Variants in TRIO observed in about 807,000 individuals in gnomAD.
The protein encoded by TRIO is triple functional domain protein.
Under a neutral mutation model 351.9 loss-of-function variants are expected in TRIO, and 58 were observed. The ratio of observed to expected loss-of-function variants is 0.16; its 90% CI spans 0.13 to 0.21. TRIO has a LOEUF of 0.21. Among genes scored for constraint, TRIO ranks in the 10% least tolerant of loss-of-function variants. The probability of loss-of-function intolerance (pLI) is 1.00; values close to 1 mark genes in which losing one functional copy is unlikely to be tolerated. For synonymous variants in TRIO, 1,758 were observed against 1,595.7 expected, an observed-to-expected ratio of 1.10 and a Z score of -2.42; for missense variants, 3,201 against 4,027.8, an observed-to-expected ratio of 0.79 and a Z score of 5.56.
intron 20 of TRIO, among the ~76,000 whole-genome samples, chr5:14,380,617 GT>G (rs35491830): frequency 1.3e-5 from 2 of 151,664 alleles, no homozygotes; most frequent in South Asian, 4.2e-4. Flanking sequence ...ACTATTTTTT[GT>G]TTTTTTTGTG....
At chr5:14,273,070 C>G (rs1735178872) in intron 2 of TRIO, among the ~76,000 whole-genome samples, 1 of 152,106 alleles carries the variant, frequency 6.6e-6, no homozygotes, top group African/African-American at 2.4e-5. Context: ...TCATCACCTC[C>G]CAGGAACCCC....
At chr5:14,363,429 C>T (rs1744326498) in intron 13 of TRIO, among the ~76,000 whole-genome samples, 1 of 152,136 alleles carries the variant, frequency 6.6e-6, no homozygotes, top group Non-Finnish European at 1.5e-5. Flanking sequence ...GTATATTTTA[C>T]ACAGTTTTGG....
In TRIO at chr5:14,488,105, C is replaced by T. The variant is rs759022594; in HGVS notation, c.7477C>T (p.Pro2493Ser). ...GSFWSSIPAS[P>S]ASRPGSFTFP... Reference sequence around the variant, plus strand: ...CTTCTGGAGCTCCATCCCCGCCTCCCCCGCCAGCCGACCCGGCTCCTTCAC... The same window carrying T: ...CTTCTGGAGCTCCATCCCCGCCTCCTCCGCCAGCCGACCCGGCTCCTTCAC... Residue 2493 changes from proline (P) to serine (S), a missense_variant, in exon 48 of 57, where the codon CCC becomes TCC. Pro to Ser is a moderately conservative substitution (Grantham distance 74). This residue lies in a region of TRIO where 1,089 missense variants were observed against 954.9 expected (regional missense o/e 1.14). Transcript: ENST00000344204. 1.2e-6 allele frequency: 2 copies of T among 1,609,916 alleles called. No homozygotes were observed. The highest frequency in any genetic ancestry group is 1.7e-6 in the Non-Finnish European group (2 of 1,179,190).
chr5:14,486,067 G>A (rs1462743975), intron 47 of TRIO, among the ~76,000 whole-genome samples: 1 of 151,904 alleles, frequency 6.6e-6, no homozygotes, highest in Non-Finnish European at 1.5e-5. Flanking sequence ...AGAACACAGC[G>A]GGCGTGGCCA....
intron 1 of TRIO, among the ~76,000 whole-genome samples, chr5:14,187,525 A>C (rs1419186295): frequency 1.3e-5 from 2 of 152,174 alleles, no homozygotes; most frequent in Non-Finnish European, 2.9e-5. Flanking sequence ...TCTGTTTTTG[A>C]AAACCATTGT....
intron 9 of TRIO, among the ~76,000 whole-genome samples, chr5:14,319,123 A>G (rs1375819073): frequency 6.6e-6 from 1 of 152,252 alleles, no homozygotes; most frequent in Admixed American, 6.5e-5. Flanking sequence ...TCTTTAAGCT[A>G]GCTTTTTTTC....
intron 36 of TRIO, among the ~76,000 whole-genome samples, chr5:14,463,999 G>C (rs928256674): frequency 6.6e-6 from 1 of 152,140 alleles, no homozygotes; most frequent in African/African-American, 2.4e-5. Flanking sequence ...TGCAATGATG[G>C]CTGTGAGCTG....
At chr5:14,167,830 C>T (rs1441399482) in intron 1 of TRIO, among the ~76,000 whole-genome samples, 2 of 152,192 alleles carry the variant, frequency 1.3e-5, no homozygotes, top group African/African-American at 4.8e-5. Flanking sequence ...CCTGACCCAC[C>T]ACCAGTGGAA....
Position 14,351,048 on chromosome 5 carries a change from G to T in TRIO, c.2047-7130G>T, listed in dbSNP as rs147697522. ...CTGATCTGACAGGAGGCTGAACTCA[G>T]GTGTTAATGACCACTTGCCTGCTGC... is the stretch of plus-strand genomic sequence containing the variant. On this transcript the variant is annotated intron_variant, in intron 11 of 56. Transcript: ENST00000344204. 4.4e-4 allele frequency among the ~76,000 whole-genome samples: 67 copies of T among 152,298 alleles called. 1 individual carries two copies. The East Asian group carries it at 0.012, about 28-fold the overall frequency.
chr5:14,393,981 A>G (rs987874378), intron 27 of TRIO, 57 bp from the exon 28 acceptor site: 1 of 1,179,100 alleles, frequency 8.5e-7, no homozygotes, highest in Non-Finnish European at 1.2e-6. Flanking sequence ...TTTTATGGCC[A>G]TGATTTAATA....
At chr5:14,457,723 T>G (rs574051537) in intron 34 of TRIO, among the ~76,000 whole-genome samples, 70 of 152,240 alleles carry the variant, frequency 4.6e-4, no homozygotes, top group African/African-American at 1.7e-3. Flanking sequence ...TGCTGAACAG[T>G]AGGGAGGTCT....
In TRIO at chr5:14,508,352, A is replaced by G. The variant is rs1306415027; in HGVS notation, c.9224A>G (p.His3075Arg). Residue 3075 changes from histidine (H) to arginine (R), a missense_variant, in exon 57 of 57, where the codon CAC (histidine) becomes CGC (arginine). His to Arg is a conservative substitution (Grantham distance 29). Transcript: ENST00000344204. ...ACTTCCTTCATTGAGCGGCGCAAAC[A>G]CCAGAATGATGTTCGACCTATCCGT... ...RLTSFIERRK[H>R]QNDVRPIRSI... 2 of 1,613,990 alleles carry G rather than the reference A, an allele frequency of 1.2e-6. No homozygotes were observed. The highest frequency in any genetic ancestry group is 1.7e-5 in the Admixed American group (1 of 60,034).
intron 1 of TRIO, among the ~76,000 whole-genome samples, chr5:14,171,063 A>G (rs918425465): frequency 3.3e-5 from 5 of 152,294 alleles, no homozygotes; most frequent in South Asian, 2.1e-4. Flanking sequence ...ATAAAATATC[A>G]TGAAGATATT....
At position 14,461,329 on chromosome 5, in the gene TRIO, G is replaced by T; in HGVS notation, c.5496+18G>T. 6.6e-7 allele frequency: 1 copy of T among 1,526,448 alleles called. No homozygotes were observed. The highest frequency in any genetic ancestry group is 8.8e-7 in the Non-Finnish European group (1 of 1,138,760). 94.6% of individuals were successfully genotyped at this position (1,526,448 alleles called of 1,614,324 possible). A position where few individuals can be genotyped will look rare whatever the true frequency, so the allele number is the denominator to read the frequency against. On this transcript the variant is annotated intron_variant, in intron 35 of 56. Transcript: ENST00000344204. ...TCGAGGAGGTGAGGCTCTGCCCGCT[G>T]GTTGGGGCCGGCGTGGCGGGGCCCG...
At chr5:14,376,199 GA>G (rs936227768) in intron 19 of TRIO, among the ~76,000 whole-genome samples, 1 of 152,152 alleles carries the variant, frequency 6.6e-6, no homozygotes, top group African/African-American at 2.4e-5. Flanking sequence ...AGTATTTGTG[GA>G]AAACTTCCTA....
intron 1 of TRIO, among the ~76,000 whole-genome samples, chr5:14,152,074 G>C (rs779915000): frequency 6.6e-6 from 1 of 152,026 alleles, no homozygotes; most frequent in Non-Finnish European, 1.5e-5. Flanking sequence ...CACCTAACTA[G>C]CTTCACACAA....
intron 48 of TRIO, among the ~76,000 whole-genome samples, chr5:14,489,794 G>A (rs1317520642): frequency 4.6e-5 from 7 of 152,192 alleles, no homozygotes; most frequent in African/African-American, 1.4e-4. Flanking sequence ...ATCTGCAAGT[G>A]GCACGTGTTC....
At position 14,497,999 on chromosome 5, in the gene TRIO, T is replaced by C; in HGVS notation, c.8048-90T>C. 1 of 1,610,166 alleles carries C rather than the reference T, an allele frequency of 6.2e-7. No homozygotes were observed. The highest frequency in any genetic ancestry group is 8.5e-7 in the Non-Finnish European group (1 of 1,176,770). ...TGGCGCTCTAGGCGTGCATAGCAGG[T>C]TAGGTCCTATCAATCTGTCGGGGAC... On this transcript the variant is annotated intron_variant, in intron 51 of 56. Coordinates refer to ENST00000344204, the MANE Select transcript of TRIO (RefSeq NM_007118.4). The surrounding 1 kb of genome is among the most constrained non-coding windows in gnomAD (Gnocchi z 4.4).
At chr5:14,344,260 G>T (rs1742205286) in intron 11 of TRIO, among the ~76,000 whole-genome samples, 1 of 152,136 alleles carries the variant, frequency 6.6e-6, no homozygotes, top group South Asian at 2.1e-4. Context: ...ACCTGCTGGC[G>T]TAGCATTATG....
Sources: gnomAD v4.1 joint callset for allele counts (sites outside exome capture counted in the v4.1 genomes callset) on GRCh38, gnomAD v4.1.1 for gene constraint, gnomAD v4.1.1 regional missense constraint, Gnocchi (gnomAD v3.1) non-coding constraint, MANE v1.5 for transcripts, NCBI Gene and HGNC (gene_info 2026-07-23, HGNC 2026-07-21) for gene names.